Variants in CENPP observed in about 807,000 individuals in gnomAD.
CENPP encodes centromere protein P.
A neutral mutation model predicts 35.6 loss-of-function variants in CENPP; 24 were observed. The observed-to-expected ratio is 0.67, with a 90% CI of 0.49 to 0.95. The LOEUF (loss-of-function observed/expected upper bound fraction) is 0.95, where lower values mean the gene tolerates loss of function less well. Ranked by LOEUF, CENPP falls within the 40% of genes least tolerant of loss-of-function variation. The pLI is 0.00. For synonymous variants in CENPP, 120 were observed against 125.5 expected, an observed-to-expected ratio of 0.96 and a Z score of 0.29; for missense variants, 332 against 345.3, an observed-to-expected ratio of 0.96 and a Z score of 0.31.
At chr9:92,464,790 T>C in intron 5 of CENPP, 1 of 765,888 alleles carries the variant, frequency 1.3e-6, no homozygotes. Context: ...GTAGACTATA[T>C]TGACCAGATT....
In CENPP at chr9:92,619,633, TC is replaced by T; in HGVS notation, c.*6487del. Reference sequence around the variant, plus strand: ...CTCTGCCCCCCCACACAACCTTCCTTCCCAGTAGCCAAGTGTGGGAACTGCT... The same window carrying T: ...CTCTGCCCCCCCACACAACCTTCCTTCCAGTAGCCAAGTGTGGGAACTGCT... On this transcript the variant is annotated 3_prime_UTR_variant, in exon 8 of 8. Transcript: ENST00000375587. The T allele has an allele frequency of 7.3e-7, 1 of 1,369,068 alleles. No individual in the cohort carries two copies. Among genetic ancestry groups the T allele is most frequent in the Non-Finnish European group, 1.0e-6 (1 of 984,088 alleles). 84.8% of individuals were successfully genotyped at this position (1,369,068 alleles called of 1,614,324 possible).
At chr9:92,348,516 C>A (rs1203253596) in intron 4 of CENPP, among the ~76,000 whole-genome samples, 3 of 152,000 alleles carry the variant, frequency 2.0e-5, no homozygotes, top group Non-Finnish European at 4.4e-5. Flanking sequence ...CCTCAGCCTC[C>A]CAAGTAGCTG....
intron 5 of CENPP, among the ~76,000 whole-genome samples, chr9:92,506,555 C>G (rs994654521): frequency 2.0e-5 from 3 of 152,140 alleles, no homozygotes; most frequent in Admixed American, 6.5e-5. Context: ...CTATTCAACC[C>G]CCTTCATGGG....
At position 92,346,709 on chromosome 9, in the gene CENPP, T is replaced by G. The variant is rs535425549; in HGVS notation, c.467+922T>G. Among the ~76,000 whole-genome samples, 6 of 152,326 alleles carry G rather than the reference T, an allele frequency of 3.9e-5. No homozygotes were observed. The East Asian group carries it at 1.2e-3, about 29-fold the overall frequency. The stretch of plus-strand genomic sequence containing the variant: ...GATACAAGTGAGTCAATGACTAGTC[T>G]TTTAAAACAGTTCAGGCAAGAGAAG... On this transcript the variant is annotated intron_variant, in intron 4 of 7. Transcript: ENST00000375587.
intron 5 of CENPP, among the ~76,000 whole-genome samples, chr9:92,491,431 T>G (rs1382090235): frequency 6.6e-6 from 1 of 152,180 alleles, no homozygotes; most frequent in East Asian, 1.9e-4. Context: ...GAACTTGGCT[T>G]CTGTGTCCCT....
chr9:92,327,616 G>A (rs771793780), intron 1 of CENPP, among the ~76,000 whole-genome samples: 5 of 152,174 alleles, frequency 3.3e-5, no homozygotes, highest in Non-Finnish European at 7.4e-5. Flanking sequence ...GGAAGCAAAG[G>A]TACTTAAGTA....
At chr9:92,432,955 A>T (rs1158719702) in intron 5 of CENPP, among the ~76,000 whole-genome samples, 4 of 152,184 alleles carry the variant, frequency 2.6e-5, no homozygotes, top group Non-Finnish European at 4.4e-5. Context: ...TACAAAAAAA[A>T]TTTTGGATTT....
chr9:92,404,756 G>T, intron 5 of CENPP: 1 of 724,390 alleles, frequency 1.4e-6, no homozygotes, highest in Non-Finnish European at 1.8e-6. Flanking sequence ...CACTCAGTCT[G>T]CTTCAACTAA....
rs550903534 is a variant in CENPP, at chr9:92,602,694, C to G, written c.565-8620C>G. On this transcript the variant is annotated intron_variant, in intron 5 of 7. Transcript: ENST00000375587. Reference sequence around the variant, plus strand: ...AGATCTGCTCAATTGGGGAAAAACCCTGTGTGTGTCCAGGGGCGAGGGGTA... The same window carrying G: ...AGATCTGCTCAATTGGGGAAAAACCGTGTGTGTGTCCAGGGGCGAGGGGTA... Among the ~76,000 whole-genome samples, 7 of 152,270 alleles carry G rather than the reference C, an allele frequency of 4.6e-5. No individual in the cohort carries two copies. In the East Asian group the frequency reaches 1.3e-3, roughly 29 times the overall value.
At chr9:92,466,378 AT>A (rs931618671) in intron 5 of CENPP, 44 of 1,605,238 alleles carry the variant, frequency 2.7e-5, no homozygotes, top group Non-Finnish European at 3.3e-5. Context: ...TAAAGCATTC[AT>A]TCCTTTGAAT....
In CENPP at chr9:92,496,124, A is replaced by T. The variant is rs912890582; in HGVS notation, c.565-115190A>T. ...GAAACTGAGAGATTTTACCTTTACT[A>T]TTAATAAAACTCCTAGAGACTATAC... On this transcript the variant is annotated intron_variant, in intron 5 of 7. Transcript: ENST00000375587. The T allele has an allele frequency of 2.5e-6, 3 of 1,222,946 alleles. No individual in the cohort carries two copies. In the Admixed American group the frequency reaches 1.4e-4, roughly 56 times the overall value. The allele number at this position is 1,222,946 out of a possible 1,614,324, so 75.8% of individuals were successfully genotyped here.
At chr9:92,326,735 G>A (rs1006123337) in intron 1 of CENPP, among the ~76,000 whole-genome samples, 54 of 152,132 alleles carry the variant, frequency 3.5e-4, no homozygotes, top group Admixed American at 3.5e-3. Flanking sequence ...CAAAGTCTGG[G>A]CACTTTTGGT....
rs576977258 is a variant in CENPP, at chr9:92,357,305, A to G, written c.467+11518A>G. 3.3e-5 allele frequency among the ~76,000 whole-genome samples: 5 copies of G among 151,798 alleles called. No individual in the cohort carries two copies. In the South Asian group the frequency reaches 8.3e-4, roughly 25 times the overall value. On this transcript the variant is annotated intron_variant, in intron 4 of 7. Coordinates refer to ENST00000375587, the MANE Select transcript of CENPP (RefSeq NM_001012267.3). ...TGTCTAGTGTCCTTTCTTTCACTCT[A>G]CAGAATTCTCTTGACCATTTCTTAC...
intron 2 of CENPP, among the ~76,000 whole-genome samples, chr9:92,332,974 T>C (rs1218805319): frequency 6.6e-6 from 1 of 151,940 alleles, no homozygotes; most frequent in African/African-American, 2.4e-5. Flanking sequence ...AAGCGAATAA[T>C]GATTATAAGA....
intron 4 of CENPP, among the ~76,000 whole-genome samples, chr9:92,368,771 G>A (rs1263520830): frequency 6.8e-6 from 1 of 146,858 alleles, no homozygotes; most frequent in Non-Finnish European, 1.5e-5. Context: ...AGATGCAGTG[G>A]TTCATGCCTG....
intron 5 of CENPP, chr9:92,502,771 G>T: frequency 1.7e-5 from 13 of 781,522 alleles, no homozygotes; most frequent in South Asian, 7.7e-5. Flanking sequence ...GAGTCTTACT[G>T]CTCTTTCAAG....
At chr9:92,528,144 C>T (rs1848529641) in intron 5 of CENPP, 1 of 152,270 alleles carries the variant, frequency 6.6e-6, no homozygotes, top group Admixed American at 6.5e-5. Flanking sequence ...ACTACGTATA[C>T]CTTCCCACCT....
At chr9:92,599,709 G>A (rs1274215104) in intron 5 of CENPP, among the ~76,000 whole-genome samples, 4 of 152,120 alleles carry the variant, frequency 2.6e-5, no homozygotes, top group Non-Finnish European at 4.4e-5. Flanking sequence ...GAGCCACTGC[G>A]CCTGGCCCAG....
chr9:92,546,201 C>T (rs1849440440), intron 5 of CENPP, among the ~76,000 whole-genome samples: 1 of 152,166 alleles, frequency 6.6e-6, no homozygotes, highest in Non-Finnish European at 1.5e-5. Context: ...CCTGTCAAAA[C>T]GGACCAATCA....
Sources: allele counts gnomAD v4.1 joint callset (sites outside exome capture counted in the v4.1 genomes callset), GRCh38; gene constraint gnomAD v4.1.1; transcripts MANE v1.5; gene names NCBI Gene and HGNC (gene_info 2026-07-23, HGNC 2026-07-21).